Variants in CSMD1 observed in about 807,000 individuals in gnomAD.
The protein encoded by CSMD1 is CUB and Sushi multiple domains 1.
A neutral mutation model predicts 417.5 loss-of-function variants in CSMD1; 213 were observed. The ratio of observed to expected loss-of-function variants is 0.51; its 90% CI spans 0.46 to 0.57. The LOEUF is 0.57. CSMD1 is among the 20% of genes least tolerant of loss of function. CSMD1 has a pLI of 0.00. For synonymous variants in CSMD1, 2,862 were observed against 1,736.8 expected, an observed-to-expected ratio of 1.65 and a Z score of -16.11; for missense variants, 6,923 against 4,529.7, an observed-to-expected ratio of 1.53 and a Z score of -15.17.
At chr8:4,885,256 C>T (rs577854234) in intron 1 of CSMD1, among the ~76,000 whole-genome samples, 7 of 151,954 alleles carry the variant, frequency 4.6e-5, no homozygotes, top group Non-Finnish European at 7.4e-5. Context: ...TTTTCCATGT[C>T]CAAGAGTGTA....
intron 1 of CSMD1, among the ~76,000 whole-genome samples, chr8:4,793,178 G>A (rs1797786005): frequency 6.6e-6 from 1 of 152,010 alleles, no homozygotes; most frequent in Admixed American, 6.6e-5. Flanking sequence ...CTTGATCATG[G>A]AGTAATTATG....
chr8:3,914,700 G>A (rs535816829), intron 5 of CSMD1, among the ~76,000 whole-genome samples: 4 of 152,150 alleles, frequency 2.6e-5, no homozygotes, highest in South Asian at 4.2e-4. Context: ...GTTGAAAGAT[G>A]TCTTTATTTT....
At chr8:3,810,218 C>T (rs1800987268) in intron 5 of CSMD1, among the ~76,000 whole-genome samples, 1 of 152,078 alleles carries the variant, frequency 6.6e-6, no homozygotes, top group Non-Finnish European at 1.5e-5. Context: ...TAGTCTTTGA[C>T]AGTATAGAGA....
At chr8:4,352,777 T>C (rs1029874474) in intron 3 of CSMD1, among the ~76,000 whole-genome samples, 1 of 152,346 alleles carries the variant, frequency 6.6e-6, no homozygotes, top group East Asian at 1.9e-4. Context: ...ACAAATCTAC[T>C]GTTGGAATGT....
intron 48 of CSMD1, among the ~76,000 whole-genome samples, chr8:3,089,820 T>C (rs1814809865): frequency 6.6e-6 from 1 of 152,182 alleles, no homozygotes; most frequent in African/African-American, 2.4e-5. Context: ...AGTTTAACAA[T>C]GAGGCTCTCC....
intron 1 of CSMD1, among the ~76,000 whole-genome samples, chr8:4,746,661 G>A (rs1359757422): frequency 6.6e-6 from 1 of 152,140 alleles, no homozygotes; most frequent in Non-Finnish European, 1.5e-5. Context: ...CACAAACTAT[G>A]CAGTTCATTT....
intron 3 of CSMD1, among the ~76,000 whole-genome samples, chr8:4,372,372 T>A (rs2128913580): frequency 6.6e-6 from 1 of 152,278 alleles, no homozygotes; most frequent in South Asian, 2.1e-4. Flanking sequence ...CCACATGCTG[T>A]TTTCCATTGC....
chr8:3,189,602 A>C (rs967975244), intron 34 of CSMD1, among the ~76,000 whole-genome samples: 1 of 152,172 alleles, frequency 6.6e-6, no homozygotes, highest in Admixed American at 6.6e-5. Flanking sequence ...AATATAGCAA[A>C]TCAACATGAT....
At chr8:4,150,593 A>G (rs189607961) in intron 3 of CSMD1, among the ~76,000 whole-genome samples, 47 of 152,336 alleles carry the variant, frequency 3.1e-4, no homozygotes, top group Non-Finnish European at 5.4e-4. Flanking sequence ...CAGGTAAAAC[A>G]AGCAAACAAA....
chr8:4,697,910 C>T (rs1807242048), intron 1 of CSMD1, among the ~76,000 whole-genome samples: 1 of 152,110 alleles, frequency 6.6e-6, no homozygotes, highest in African/African-American at 2.4e-5. Flanking sequence ...AAGAATAACA[C>T]AGACTGCCAA....
At chr8:3,304,057 A>T (rs1311243521) in intron 25 of CSMD1, among the ~76,000 whole-genome samples, 1 of 152,186 alleles carries the variant, frequency 6.6e-6, no homozygotes, top group Non-Finnish European at 1.5e-5. Flanking sequence ...CTCTGCAATA[A>T]TTGGCCTAAA....
chr8:4,036,337 G>C (rs1055682424), intron 3 of CSMD1, among the ~76,000 whole-genome samples: 8 of 140,840 alleles, frequency 5.7e-5, no homozygotes, highest in Non-Finnish European at 6.1e-5. Flanking sequence ...TAAATTTAAA[G>C]AGGGACCCCT....
intron 3 of CSMD1, among the ~76,000 whole-genome samples, chr8:4,093,974 A>ATAGATAGG (rs1800859293): frequency 1.4e-5 from 2 of 146,072 alleles, no homozygotes; most frequent in South Asian, 2.3e-4. Flanking sequence ...AAATAGATAG[A>ATAGATAGG]TAGATAGATA....
chr8:3,279,247 T>C (rs572713449), intron 26 of CSMD1: 1 of 152,324 alleles, frequency 6.6e-6, no homozygotes, highest in Admixed American at 6.5e-5. Context: ...ATATAATGAC[T>C]AGTGGAGAGG....
At chr8:3,931,436 A>G (rs898330452) in intron 5 of CSMD1, among the ~76,000 whole-genome samples, 1 of 150,560 alleles carries the variant, frequency 6.6e-6, no homozygotes, top group Non-Finnish European at 1.5e-5. Flanking sequence ...AAATCTTTCA[A>G]TCCATGGCTT....
chr8:3,327,113 T>C (rs117119335), intron 23 of CSMD1, among the ~76,000 whole-genome samples: 2,149 of 151,816 alleles, frequency 0.014, 24 homozygotes, highest in Non-Finnish European at 0.021. Flanking sequence ...TGTCTCATCA[T>C]TGGCATTAAC....
intron 2 of CSMD1, among the ~76,000 whole-genome samples, chr8:4,471,004 A>T (rs931840449): frequency 5.3e-5 from 8 of 152,200 alleles, no homozygotes; most frequent in South Asian, 4.1e-4. Context: ...CATACTTTTT[A>T]TGTACGAGGA....
At chr8:4,842,674 A>C (rs1164092496) in intron 1 of CSMD1, among the ~76,000 whole-genome samples, 1 of 152,238 alleles carries the variant, frequency 6.6e-6, no homozygotes, top group African/African-American at 2.4e-5. Context: ...TCTAGAACTC[A>C]GGAATTTTAA....
intron 1 of CSMD1, among the ~76,000 whole-genome samples, chr8:4,761,588 T>C (rs1255347815): frequency 1.3e-5 from 2 of 152,144 alleles, no homozygotes; most frequent in Non-Finnish European, 2.9e-5. Flanking sequence ...GCTGCGATGG[T>C]TACCTCTTAT....
Sources: gnomAD v4.1 joint callset for allele counts (sites outside exome capture counted in the v4.1 genomes callset) on GRCh38, gnomAD v4.1.1 for gene constraint, MANE v1.5 for transcripts, NCBI Gene and HGNC (gene_info 2026-07-23, HGNC 2026-07-21) for gene names.